The following LOC400499 variants were observed in gnomAD, a reference collection of about 807,000 sequenced individuals.
chr16:11,518,489 G>T, the LOC400499 span, among the ~76,000 whole-genome samples: 2 of 152,178 alleles, frequency 1.3e-5, no homozygotes, highest in East Asian at 3.9e-4. Flanking sequence ...CATGGGCCCG[G>T]CAGTCCCATT....
chr16:11,387,350 G>C, the LOC400499 span: 3 of 1,210,862 alleles, frequency 2.5e-6, no homozygotes, highest in Non-Finnish European at 3.1e-6. Flanking sequence ...TGCTTCCCTT[G>C]GCTGCAGAGG....
chr16:11,384,202 G>T, the LOC400499 span: 1 of 1,229,486 alleles, frequency 8.1e-7, no homozygotes, highest in East Asian at 3.2e-5. Context: ...GGACAGGCAG[G>T]TGCACCCGCT....
the LOC400499 span, among the ~76,000 whole-genome samples, chr16:11,481,931 G>A: frequency 4.6e-5 from 7 of 152,078 alleles, no homozygotes; most frequent in South Asian, 2.1e-4. Context: ...CACCATGCCC[G>A]GCCAATTGCT....
At chr16:11,476,685 T>G in the LOC400499 span, 1 of 399,032 alleles carries the variant, frequency 2.5e-6, no homozygotes, top group East Asian at 3.6e-5. Context: ...CATGCATGCA[T>G]GCAAGCACAC....
the LOC400499 span, chr16:11,398,618 C>T: frequency 3.3e-5 from 28 of 854,528 alleles, no homozygotes; most frequent in Admixed American, 2.6e-4. Flanking sequence ...AGGAATGTGC[C>T]GTCAGAGCTC....
chr16:11,387,056 C>A, the LOC400499 span: 12 of 1,218,384 alleles, frequency 9.8e-6, no homozygotes, highest in Admixed American at 3.4e-4. Context: ...TCCCTGTGCC[C>A]AGGAGGCAGG....
chr16:11,372,600 TTC>T, the LOC400499 span: 1 of 318,404 alleles, frequency 3.1e-6, no homozygotes, highest in Non-Finnish European at 4.5e-6. Flanking sequence ...GCACGTGCGG[TTC>T]TGAGTTTCCC....
the LOC400499 span, chr16:11,425,277 C>T: frequency 5.1e-3 from 2,023 of 399,048 alleles, 34 homozygotes; most frequent in African/African-American, 0.037. Context: ...GGCCTGCAGC[C>T]GGCCCTTCAG....
the LOC400499 span, among the ~76,000 whole-genome samples, chr16:11,466,453 T>C: frequency 1.3e-5 from 2 of 152,146 alleles, no homozygotes; most frequent in South Asian, 2.1e-4. Flanking sequence ...AGTGGCGTGA[T>C]CTTGGTTCAC....
chr16:11,451,318 G>C, the LOC400499 span, among the ~76,000 whole-genome samples: 1 of 152,190 alleles, frequency 6.6e-6, no homozygotes, highest in African/African-American at 2.4e-5. Flanking sequence ...AGTGGCTCAT[G>C]CCTGTAATCC....
chr16:11,477,490 G>A, the LOC400499 span, among the ~76,000 whole-genome samples: 957 of 152,322 alleles, frequency 6.3e-3, 10 homozygotes, highest in African/African-American at 0.022. Flanking sequence ...GGCTTGGTTG[G>A]TCGGGAGGGC....
chr16:11,468,884 C>A, the LOC400499 span, among the ~76,000 whole-genome samples: 3 of 152,236 alleles, frequency 2.0e-5, no homozygotes, highest in African/African-American at 7.2e-5. Flanking sequence ...GCTTCGACCT[C>A]CCAAAATGCT....
chr16:11,495,119 G>T, the LOC400499 span, among the ~76,000 whole-genome samples: 1 of 151,658 alleles, frequency 6.6e-6, no homozygotes, highest in Non-Finnish European at 1.5e-5. Flanking sequence ...TAAGGCACAA[G>T]AATCCCTTGA....
At chr16:11,429,686 C>G in the LOC400499 span, among the ~76,000 whole-genome samples, 5 of 152,134 alleles carry the variant, frequency 3.3e-5, no homozygotes, top group East Asian at 5.8e-4. Flanking sequence ...GTTGGCCAGG[C>G]TGGTCTTGAA....
chr16:11,422,161 G>T, the LOC400499 span, among the ~76,000 whole-genome samples: 1 of 152,244 alleles, frequency 6.6e-6, no homozygotes, highest in South Asian at 2.1e-4. Context: ...AGCACTTTGG[G>T]AGGCCGAAAC....
chr16:11,467,646 AAACAT>A, the LOC400499 span, among the ~76,000 whole-genome samples: 1 of 152,122 alleles, frequency 6.6e-6, no homozygotes, highest in East Asian at 1.9e-4. Flanking sequence ...AACAAAACCT[AAACAT>A]GACAACTGGG....
the LOC400499 span, chr16:11,435,534 T>A: frequency 1.3e-5 from 5 of 397,744 alleles, no homozygotes; most frequent in African/African-American, 2.1e-5. Flanking sequence ...CCAATGGGGC[T>A]GACTTGGGCG....
At chr16:11,383,851 G>GCCTT in the LOC400499 span, 7 of 1,232,040 alleles carry the variant, frequency 5.7e-6, no homozygotes, top group Non-Finnish European at 7.1e-6. Context: ...GAGACAAAGG[G>GCCTT]CCTTCTGCAC....
the LOC400499 span, among the ~76,000 whole-genome samples, chr16:11,421,904 T>G: frequency 2.0e-5 from 3 of 152,194 alleles, no homozygotes; most frequent in African/African-American, 7.2e-5. Flanking sequence ...CCGAGTTGTA[T>G]ACTTTAAAAC....
Sources: allele counts gnomAD v4.1 joint callset (sites outside exome capture counted in the v4.1 genomes callset), GRCh38; gene constraint gnomAD v4.1.1; transcripts MANE v1.5.